NCKAP1: variants seen among roughly 807,000 people sequenced by gnomAD.
NCKAP1 encodes the protein nck-associated protein 1.
Under a neutral mutation model 151.2 loss-of-function variants are expected in NCKAP1, and 21 were observed. The observed-to-expected ratio is 0.14, with a 90% CI of 0.10 to 0.20. The LOEUF (loss-of-function observed/expected upper bound fraction) is 0.20. Ranked by LOEUF, NCKAP1 falls within the 10% of genes least tolerant of loss-of-function variation. The pLI, the probability that NCKAP1 is intolerant of heterozygous loss-of-function variation, is 1.00. For synonymous variants in NCKAP1, 484 were observed against 451.8 expected, an observed-to-expected ratio of 1.07 and a Z score of -0.90; for missense variants, 933 against 1,352.1, an observed-to-expected ratio of 0.69 and a Z score of 4.86.
intron 1 of NCKAP1, chr2:183,025,033 T>C (rs762093175): frequency 1.9e-6 from 3 of 1,596,956 alleles, no homozygotes; most frequent in East Asian, 2.2e-5. Flanking sequence ...GAAAATTACG[T>C]GTAAACAATG....
At chr2:182,982,789 A>T in intron 12 of NCKAP1, 32 bp downstream of exon 12, 1 of 1,426,498 alleles carries the variant, frequency 7.0e-7, no homozygotes, top group Non-Finnish European at 9.6e-7. Flanking sequence ...ATCTATATAC[A>T]GAAAATATTT....
At chr2:183,006,302 TAAG>T (rs1462576448) in intron 2 of NCKAP1, among the ~76,000 whole-genome samples, 3 of 152,202 alleles carry the variant, frequency 2.0e-5, no homozygotes, top group African/African-American at 7.2e-5. Context: ...ATAATGTACA[TAAG>T]AATATGTAGC....
At chr2:182,929,558 C>T (rs1696717601) in intron 27 of NCKAP1, among the ~76,000 whole-genome samples, 1 of 151,872 alleles carries the variant, frequency 6.6e-6, no homozygotes, top group East Asian at 1.9e-4. Context: ...TTGTGATATG[C>T]ACTCAAATTG....
In NCKAP1 at chr2:182,944,367, T is replaced by G. The variant is rs1166013111; in HGVS notation, c.2602-2204A>C. Among the ~76,000 whole-genome samples the G allele has an allele frequency of 2.0e-5, 3 of 152,282 alleles. No homozygotes were observed. The South Asian group carries it at 6.2e-4, about 32-fold the overall frequency. On this transcript the variant is annotated intron_variant, in intron 23 of 30. Transcript: ENST00000361354. Reference sequence around the variant, plus strand: ...TTCTTGGCAAAATTCATATTTAAATTTCCTACTTCATTTGAAAAAATGTCC... The same window carrying G: ...TTCTTGGCAAAATTCATATTTAAATGTCCTACTTCATTTGAAAAAATGTCC...
chr2:182,957,593 G>A lies in NCKAP1; in HGVS notation c.1885C>T (p.Leu629=). The A allele has an allele frequency of 6.2e-7, 1 of 1,609,182 alleles. No homozygotes were observed. Among genetic ancestry groups the A allele is most frequent in the Non-Finnish European group, 8.5e-7 (1 of 1,178,582 alleles). ...ATAGTTTTGGCACAATGCTTGGGTA[G>A]CAACTAAATTTAGAAAAGAATGAAA... ...TEQCTLSDQL[L]PKHCAKTISQ... The change falls in exon 19 of 31, where the codon CTA becomes TTA. Residue 629 remains leucine (L), a synonymous_variant. Transcript: ENST00000361354.
intron 9 of NCKAP1, among the ~76,000 whole-genome samples, chr2:182,988,229 CAT>C (rs1471859305): frequency 1.3e-5 from 2 of 152,120 alleles, no homozygotes; most frequent in African/African-American, 4.8e-5. Context: ...TAGCGTCAGA[CAT>C]ATACACATAC....
intron 17 of NCKAP1, among the ~76,000 whole-genome samples, chr2:182,963,196 A>C (rs1189030165): frequency 6.6e-6 from 1 of 152,110 alleles, no homozygotes; most frequent in Non-Finnish European, 1.5e-5. Context: ...TCAAATCAAA[A>C]AAAAGATTTA....
rs894686487 is a variant in NCKAP1 at position 182,936,035 on chromosome 2, T to C, written c.2696-660A>G. On this transcript the variant is annotated intron_variant, in intron 24 of 30. Coordinates refer to ENST00000361354, the MANE Select transcript of NCKAP1 (RefSeq NM_013436.5). ...ATTCTAGGAGGCTGAACCGGGAAGA[T>C]TGCTTGAGCCCAGGAGTTCACAAGC... is the stretch of plus-strand genomic sequence containing the variant. 9.2e-5 allele frequency among the ~76,000 whole-genome samples: 14 copies of C among 151,978 alleles called. 1 individual carries two copies. The highest frequency in any genetic ancestry group is 2.1e-4 in the South Asian group (1 of 4,820).
At chr2:182,954,144 G>A (rs1463296132) in intron 20 of NCKAP1, among the ~76,000 whole-genome samples, 3 of 152,286 alleles carry the variant, frequency 2.0e-5, no homozygotes, top group African/African-American at 2.4e-5. Context: ...AAGTGGTTAT[G>A]ACTAGGATTT....
In NCKAP1 at chr2:182,956,690, C is replaced by G. The variant is rs540376817; in HGVS notation, c.2022-97G>C. 20 of 1,294,546 alleles carry G rather than the reference C, an allele frequency of 1.5e-5. 1 individual carries two copies. In the South Asian group the frequency reaches 2.2e-4, roughly 14 times the overall value. 80.2% of individuals were successfully genotyped at this position (1,294,546 alleles called of 1,614,324 possible). Reference sequence around the variant, plus strand: ...ATATCAACCTTATTTGGAGATAATGCTTAGAGAATTCGACTTTTTATTCTC... The same window carrying G: ...ATATCAACCTTATTTGGAGATAATGGTTAGAGAATTCGACTTTTTATTCTC... On this transcript the variant is annotated intron_variant, in intron 19 of 30. Transcript: ENST00000361354.
chr2:182,931,339 T>A (rs1187547445), intron 26 of NCKAP1, among the ~76,000 whole-genome samples: 1 of 152,136 alleles, frequency 6.6e-6, no homozygotes, highest in African/African-American at 2.4e-5. Context: ...GCATTCTGAC[T>A]GCTCAATAAC....
chr2:183,038,058 C>A lies in NCKAP1; in HGVS notation c.42G>T (p.Ala14=), dbSNP rs749905990. The A allele has an allele frequency of 6.3e-7, 1 of 1,588,074 alleles. No homozygotes were observed. The highest frequency in any genetic ancestry group is 8.5e-7 in the Non-Finnish European group (1 of 1,174,134). The part of the protein sequence containing the change: ...SVLQPSQQKL[A]EKLTILNDRG... ...GGTCGTTGAGGATGGTGAGCTTCTCCGCCAGCTTCTGCTGACTGGGCTGCA... is the reference window on the plus strand; with the variant it reads ...GGTCGTTGAGGATGGTGAGCTTCTCAGCCAGCTTCTGCTGACTGGGCTGCA... Residue 14 remains alanine, a synonymous_variant, in exon 1 of 31, where the codon GCG becomes GCT. Coordinates refer to ENST00000361354, the MANE Select transcript of NCKAP1 (RefSeq NM_013436.5).
intron 21 of NCKAP1, 59 bp from the exon 22 acceptor site, chr2:182,952,982 A>G: frequency 6.5e-7 from 1 of 1,531,040 alleles, no homozygotes; most frequent in Non-Finnish European, 8.9e-7. Flanking sequence ...ATGTATCATG[A>G]TATACATTCC....
intron 18 of NCKAP1, 104 bp downstream of exon 18, chr2:182,962,055 G>T: frequency 8.4e-7 from 1 of 1,187,264 alleles, no homozygotes; most frequent in Non-Finnish European, 1.2e-6. Flanking sequence ...TTTACTAATA[G>T]TGTGGGAACT....
chr2:182,962,014 G>A (rs937393939), intron 18 of NCKAP1, 145 bp downstream of exon 18: 2 of 762,208 alleles, frequency 2.6e-6, no homozygotes, highest in African/African-American at 3.5e-5. Flanking sequence ...AATTATACCT[G>A]TTAATGGAGT....
At chr2:182,984,544 T>C (rs1698010902) in intron 10 of NCKAP1, among the ~76,000 whole-genome samples, 1 of 152,084 alleles carries the variant, frequency 6.6e-6, no homozygotes, top group African/African-American at 2.4e-5. Context: ...CAAATTAAAA[T>C]CCATCCTCTC....
chr2:182,968,749 G>C (rs2105840352), intron 15 of NCKAP1, among the ~76,000 whole-genome samples: 1 of 152,304 alleles, frequency 6.6e-6, no homozygotes, highest in South Asian at 2.1e-4. Context: ...GAAGTCTTTT[G>C]TCTTTTGTCA....
chr2:182,933,426 T>C (rs1329459996), intron 26 of NCKAP1, among the ~76,000 whole-genome samples: 2 of 139,156 alleles, frequency 1.4e-5, no homozygotes, highest in African/African-American at 5.4e-5. Flanking sequence ...GGAGTTTTGC[T>C]CCTGTTGCCC....
rs1254748811 is a variant in NCKAP1 at position 182,913,182 on chromosome 2, G to C, written c.*12520C>G. The C allele has an allele frequency of 6.6e-6, 1 of 152,162 alleles. No individual in the cohort carries two copies. Among genetic ancestry groups the C allele is most frequent in the South Asian group, 2.1e-4 (1 of 4,826 alleles). 9.4% of individuals were successfully genotyped at this position (152,162 alleles called of 1,614,324 possible). ...TCTGTGACATCAAGGACCAAATCTG[G>C]TTCATGTACATGCCAAGCATTTAGG... On this transcript the variant is annotated 3_prime_UTR_variant, in exon 31 of 31. Coordinates refer to ENST00000361354, the MANE Select transcript of NCKAP1 (RefSeq NM_013436.5).
Sources: allele counts gnomAD v4.1 joint callset (sites outside exome capture counted in the v4.1 genomes callset), GRCh38; gene constraint gnomAD v4.1.1; transcripts MANE v1.5; gene names NCBI Gene and HGNC (gene_info 2026-07-23, HGNC 2026-07-21).